Variants in CNTN1 observed in about 807,000 individuals in gnomAD.
CNTN1 encodes contactin-1.
CNTN1 carries 38 observed loss-of-function variants against 126.4 expected under a neutral mutation model. That is an observed-to-expected ratio of 0.30 (90% CI 0.23 to 0.39). CNTN1 has a LOEUF of 0.39. CNTN1 is among the 10% of genes least tolerant of loss of function. CNTN1 has a pLI of 1.00. For synonymous variants in CNTN1, 413 were observed against 422.6 expected, an observed-to-expected ratio of 0.98 and a Z score of 0.28; for missense variants, 1,009 against 1,248.4, an observed-to-expected ratio of 0.81 and a Z score of 2.89.
At chr12:40,939,229 A>T in intron 11 of CNTN1, 106 bp from the exon 12 acceptor site, 1 of 1,218,720 alleles carries the variant, frequency 8.2e-7, no homozygotes. Context: ...ACCGAGATTA[A>T]TCCTTTCCAT....
At chr12:40,914,774 T>C (rs915472824) in intron 3 of CNTN1, among the ~76,000 whole-genome samples, 2 of 152,170 alleles carry the variant, frequency 1.3e-5, no homozygotes, top group Non-Finnish European at 2.9e-5. Flanking sequence ...GGGAAATATA[T>C]ACATATAATT....
intron 1 of CNTN1, among the ~76,000 whole-genome samples, chr12:40,768,236 C>A (rs1158827592): frequency 3.3e-5 from 5 of 152,160 alleles, no homozygotes; most frequent in African/African-American, 1.2e-4. Flanking sequence ...AATGTTATTT[C>A]ATGGAAAAAG....
chr12:40,764,780 T>TCC (rs1939010520), intron 1 of CNTN1, among the ~76,000 whole-genome samples: 1 of 152,184 alleles, frequency 6.6e-6, no homozygotes, highest in South Asian at 2.1e-4. Context: ...TTCAGCAATG[T>TCC]CCCTTAGAAT....
intron 1 of CNTN1, among the ~76,000 whole-genome samples, chr12:40,693,744 C>T (rs921289942): frequency 2.8e-4 from 43 of 152,142 alleles, no homozygotes; most frequent in Non-Finnish European, 7.4e-5. Flanking sequence ...GAGCCGGCTG[C>T]CTTGGCCTTC....
chr12:41,024,004 T>C (rs558379921), intron 20 of CNTN1, among the ~76,000 whole-genome samples: 20 of 152,284 alleles, frequency 1.3e-4, no homozygotes, highest in African/African-American at 4.8e-4. Context: ...ACTCCATCCC[T>C]TGAGACCTTT....
chr12:40,972,774 C>A, intron 15 of CNTN1: 1 of 417,790 alleles, frequency 2.4e-6, no homozygotes, highest in South Asian at 1.0e-4. Context: ...TGTCTGTAAA[C>A]AGCACCATGG....
chr12:40,801,955 G>A (rs949494923), intron 1 of CNTN1, among the ~76,000 whole-genome samples: 32 of 150,578 alleles, frequency 2.1e-4, no homozygotes, highest in African/African-American at 7.8e-4. Flanking sequence ...TGACAATGAA[G>A]ATCAAAAAAA....
chr12:41,056,841 A>C (rs1316191713), intron 23 of CNTN1, among the ~76,000 whole-genome samples: 1 of 148,148 alleles, frequency 6.8e-6, no homozygotes, highest in Admixed American at 6.9e-5. Flanking sequence ...TAAATATAAC[A>C]TTTAGATCAT....
chr12:40,737,357 GTGTATA>G (rs200362332), intron 1 of CNTN1, among the ~76,000 whole-genome samples: 11 of 105,092 alleles, frequency 1.0e-4, no homozygotes, highest in African/African-American at 2.9e-4. Context: ...ATATGTGTGT[GTGTATA>G]TATATATATA....
intron 17 of CNTN1, among the ~76,000 whole-genome samples, chr12:41,012,083 G>C (rs1024747483): frequency 6.6e-6 from 1 of 152,136 alleles, no homozygotes; most frequent in Admixed American, 6.6e-5. Flanking sequence ...GAGTGCTTGG[G>C]TAAAGGAGAG....
intron 12 of CNTN1, among the ~76,000 whole-genome samples, chr12:40,939,724 G>A (rs1184655927): frequency 6.6e-6 from 1 of 151,974 alleles, no homozygotes; most frequent in East Asian, 1.9e-4. Context: ...AAGCTCAGAG[G>A]TGTTTTTTTG....
At chr12:40,974,913 C>T (rs1947629018) in intron 15 of CNTN1, among the ~76,000 whole-genome samples, 2 of 151,672 alleles carry the variant, frequency 1.3e-5, no homozygotes, top group Admixed American at 1.3e-4. Flanking sequence ...AATTTTATAC[C>T]ATGTAAATTT....
chr12:40,735,163 A>G (rs1937625034), intron 1 of CNTN1, among the ~76,000 whole-genome samples: 1 of 152,126 alleles, frequency 6.6e-6, no homozygotes, highest in Admixed American at 6.6e-5. Flanking sequence ...CACAGAACCA[A>G]AACAGGCTTT....
chr12:40,870,003 T>C (rs940913416), intron 1 of CNTN1, among the ~76,000 whole-genome samples: 11 of 152,118 alleles, frequency 7.2e-5, no homozygotes, highest in African/African-American at 2.4e-4. Context: ...GTCTTTCTCA[T>C]GCTGTTCTCA....
intron 1 of CNTN1, among the ~76,000 whole-genome samples, chr12:40,744,313 A>AC: frequency 6.8e-6 from 1 of 146,932 alleles, no homozygotes; most frequent in East Asian, 1.9e-4. Context: ...ATAAAAAAAA[A>AC]ATAAAAGAAC....
intron 1 of CNTN1, among the ~76,000 whole-genome samples, chr12:40,708,950 C>T (rs1332710772): frequency 1.3e-5 from 2 of 152,188 alleles, no homozygotes; most frequent in Non-Finnish European, 1.5e-5. Context: ...TCAACTTCTT[C>T]CAAACTCCTG....
At chr12:40,977,225 A>T (rs1238012431) in intron 15 of CNTN1, among the ~76,000 whole-genome samples, 3 of 152,136 alleles carry the variant, frequency 2.0e-5, no homozygotes, top group African/African-American at 7.2e-5. Flanking sequence ...AGTTATTACC[A>T]ATAGAAAAGA....
rs747622764 is a variant in CNTN1 at position 40,959,124 on chromosome 12, A to G, written c.1694A>G (p.Asn565Ser). ...HYQRNFMLDS[N>S]GELLIRNAQL... ...TGTTTTTGCTAACAGCTGGATTCCA[A>G]TGGGGAATTACTAATCCGAAATGCG... Residue 565 changes from asparagine to serine, a missense_variant, in exon 15 of 24, where the codon AAT becomes AGT. Coordinates refer to ENST00000551295, the MANE Select transcript of CNTN1 (RefSeq NM_001843.4). The G allele has an allele frequency of 2.9e-5, 47 of 1,612,402 alleles. 1 individual carries two copies. In the South Asian group the frequency reaches 4.1e-4, roughly 14 times the overall value.
chr12:40,930,985 C>T (rs189093493), intron 7 of CNTN1, among the ~76,000 whole-genome samples: 1 of 151,986 alleles, frequency 6.6e-6, no homozygotes, highest in Non-Finnish European at 1.5e-5. Context: ...AATATACTTG[C>T]AATTCAGCAC....
Sources: gnomAD v4.1 joint callset for allele counts (sites outside exome capture counted in the v4.1 genomes callset) on GRCh38, gnomAD v4.1.1 for gene constraint, MANE v1.5 for transcripts, NCBI Gene and HGNC (gene_info 2026-07-23, HGNC 2026-07-21) for gene names.